CBFA2T2: variants seen among roughly 807,000 people sequenced by gnomAD.
CBFA2T2 encodes protein CBFA2T2.
Under a neutral mutation model 62.2 loss-of-function variants are expected in CBFA2T2, and 11 were observed. The ratio of observed to expected loss-of-function variants is 0.18; its 90% CI spans 0.11 to 0.29. The LOEUF is 0.29. CBFA2T2 is among the 10% of genes least tolerant of loss of function. The pLI, the probability that CBFA2T2 is intolerant of heterozygous loss-of-function variation, is 1.00. For synonymous variants in CBFA2T2, 295 were observed against 287.5 expected, an observed-to-expected ratio of 1.03 and a Z score of -0.27; for missense variants, 592 against 774.1, an observed-to-expected ratio of 0.76 and a Z score of 2.79.
intron 8 of CBFA2T2, among the ~76,000 whole-genome samples, chr20:33,631,701 G>C (rs1218549482): frequency 6.6e-6 from 1 of 152,338 alleles, no homozygotes; most frequent in South Asian, 2.1e-4. Flanking sequence ...GTTTATACCT[G>C]TGTCCTGTTA....
At position 33,554,604 on chromosome 20, in the gene CBFA2T2, T is replaced by TC. The variant is rs1568816484; in HGVS notation, c.35-52352_35-52351insC. 2.8e-5 allele frequency among the ~76,000 whole-genome samples: 4 copies of TC among 141,134 alleles called. No homozygotes were observed. The South Asian group carries it at 9.3e-4, about 33-fold the overall frequency. 92.6% of individuals were successfully genotyped at this position (141,134 alleles called of 152,430 possible). On this transcript the variant is annotated intron_variant, in intron 1 of 10. Coordinates refer to ENST00000342704, the MANE Select transcript of CBFA2T2 (RefSeq NM_001032999.3). ...TTTCCTTTTCCTTTTTCTTTTCTTT[T>TC]TTTTTTTTTTTTTTTTTTTGAGATG... is the stretch of plus-strand genomic sequence containing the variant.
At chr20:33,509,942 G>A (rs981514872) in intron 1 of CBFA2T2, among the ~76,000 whole-genome samples, 4 of 151,618 alleles carry the variant, frequency 2.6e-5, no homozygotes, top group African/African-American at 9.7e-5. Context: ...TTTACATTAG[G>A]TATTTCTCCT....
chr20:33,586,466 G>GA (rs2014376025), intron 1 of CBFA2T2, among the ~76,000 whole-genome samples: 1 of 152,216 alleles, frequency 6.6e-6, no homozygotes, highest in South Asian at 2.1e-4. Context: ...ATAGACATAG[G>GA]AAAACTGAGG....
At chr20:33,583,127 C>G (rs1160499677) in intron 1 of CBFA2T2, among the ~76,000 whole-genome samples, 1 of 152,132 alleles carries the variant, frequency 6.6e-6, no homozygotes, top group African/African-American at 2.4e-5. Flanking sequence ...ATATATTTAT[C>G]TGTCATTATT....
chr20:33,515,276 T>C (rs989251720), intron 1 of CBFA2T2, among the ~76,000 whole-genome samples: 2 of 135,980 alleles, frequency 1.5e-5, no homozygotes, highest in African/African-American at 2.8e-5. Flanking sequence ...GCTTGAAACC[T>C]GGAGGTGGAG....
At chr20:33,542,455 AT>A (rs1406734170) in intron 1 of CBFA2T2, among the ~76,000 whole-genome samples, 2 of 151,524 alleles carry the variant, frequency 1.3e-5, no homozygotes, top group Admixed American at 6.6e-5. Flanking sequence ...TTTTATTATA[AT>A]TTTTTTCATT....
At chr20:33,525,444 T>C (rs2011861854) in intron 1 of CBFA2T2, among the ~76,000 whole-genome samples, 1 of 152,038 alleles carries the variant, frequency 6.6e-6, no homozygotes, top group East Asian at 1.9e-4. Flanking sequence ...CCTTGGCCTC[T>C]CAAAGTGCTG....
intron 1 of CBFA2T2, among the ~76,000 whole-genome samples, chr20:33,504,403 CTTT>C (rs533648842): frequency 2.6e-5 from 3 of 117,550 alleles, no homozygotes; most frequent in South Asian, 2.6e-4. Flanking sequence ...TCATATTTAA[CTTT>C]TTTTTTTTTT....
chr20:33,532,562 T>A (rs555768761), intron 1 of CBFA2T2, among the ~76,000 whole-genome samples: 2 of 152,378 alleles, frequency 1.3e-5, no homozygotes, highest in South Asian at 4.1e-4. Flanking sequence ...TATTTTCTGC[T>A]AAACTGTGTG....
intron 1 of CBFA2T2, among the ~76,000 whole-genome samples, chr20:33,561,752 G>C (rs1361160120): frequency 6.6e-6 from 1 of 152,084 alleles, no homozygotes; most frequent in African/African-American, 2.4e-5. Context: ...TATTTGCTCT[G>C]TTTTAAAACA....
At chr20:33,600,451 G>A (rs1446416535) in intron 1 of CBFA2T2, 6 of 403,716 alleles carry the variant, frequency 1.5e-5, no homozygotes, top group East Asian at 1.1e-4. Flanking sequence ...GCCTCCCAAC[G>A]TGCTGGGATT....
In CBFA2T2 at chr20:33,504,034, A is replaced by G. The variant is rs116493374; in HGVS notation, c.34+13733A>G. On this transcript the variant is annotated intron_variant, in intron 1 of 10. Coordinates refer to ENST00000342704, the MANE Select transcript of CBFA2T2 (RefSeq NM_001032999.3). ...TCGCTCTTGGAAGCTACTAGTTTAT[A>G]CTGGTTTTTGTCACTCACAGTTTTA... is the stretch of plus-strand genomic sequence containing the variant. 3.5e-3 allele frequency among the ~76,000 whole-genome samples: 533 copies of G among 152,026 alleles called. 4 individuals are homozygous for G. The highest frequency in any genetic ancestry group is 0.012 in the African/African-American group (510 of 41,474).
intron 8 of CBFA2T2, among the ~76,000 whole-genome samples, chr20:33,632,278 G>T (rs1746933880): frequency 6.6e-6 from 1 of 151,938 alleles, no homozygotes; most frequent in African/African-American, 2.4e-5. Flanking sequence ...TCCTGACCTT[G>T]TATGATCCAC....
intron 10 of CBFA2T2, 69 bp downstream of exon 10, chr20:33,640,600 T>TA (rs1159340160): frequency 2.8e-6 from 4 of 1,434,152 alleles, no homozygotes. Flanking sequence ...CTTCCTCTCA[T>TA]ACGCTGGGCA....
In CBFA2T2 at chr20:33,611,346, C is replaced by T. The variant is rs1475604309; in HGVS notation, c.420+11C>T. 6.2e-7 allele frequency: 1 copy of T among 1,612,108 alleles called. No individual in the cohort carries two copies. Among genetic ancestry groups the T allele is most frequent in the Admixed American group, 1.7e-5 (1 of 59,988 alleles). On this transcript the variant is annotated intron_variant, in intron 3 of 10. Transcript: ENST00000342704. Reference sequence around the variant, plus strand: ...GTTCTTGCACTGGTGGTAAGTACAGCCTCACTGTTGTTCTCAGCTGCCTGA... The same window carrying T: ...GTTCTTGCACTGGTGGTAAGTACAGTCTCACTGTTGTTCTCAGCTGCCTGA...
chr20:33,504,710 A>C (rs2011371590), intron 1 of CBFA2T2, among the ~76,000 whole-genome samples: 1 of 151,992 alleles, frequency 6.6e-6, no homozygotes, highest in Non-Finnish European at 1.5e-5. Context: ...GCCTATACTT[A>C]ACTTTTTTGG....
At chr20:33,542,028 G>GCCA (rs1455690519) in intron 1 of CBFA2T2, among the ~76,000 whole-genome samples, 2 of 152,120 alleles carry the variant, frequency 1.3e-5, no homozygotes, top group Non-Finnish European at 2.9e-5. Flanking sequence ...ATAGGCATGA[G>GCCA]CCACTACACC....
intron 1 of CBFA2T2, among the ~76,000 whole-genome samples, chr20:33,581,004 T>TTCCCCTCCCTTGCCC: frequency 6.6e-6 from 1 of 151,698 alleles, no homozygotes; most frequent in Non-Finnish European, 1.5e-5. Context: ...CTGCCCTCCC[T>TTCCCCTCCCTTGCCC]TCCCCTCCCT....
intron 7 of CBFA2T2, among the ~76,000 whole-genome samples, chr20:33,629,318 C>G (rs2016363805): frequency 2.6e-5 from 4 of 152,188 alleles, no homozygotes; most frequent in Admixed American, 1.3e-4. Context: ...CAGCCTTCCT[C>G]ATCTCATCAA....
Sources: allele counts gnomAD v4.1 joint callset (sites outside exome capture counted in the v4.1 genomes callset), GRCh38; gene constraint gnomAD v4.1.1; transcripts MANE v1.5; gene names NCBI Gene and HGNC (gene_info 2026-07-23, HGNC 2026-07-21).